BRD10: variants seen among roughly 807,000 people sequenced by gnomAD.
BRD10 encodes the protein uncharacterized bromodomain-containing protein 10.
the BRD10 span, chr9:5,920,766 C>T: frequency 4.3e-6 from 7 of 1,613,764 alleles, no homozygotes; most frequent in Non-Finnish European, 5.9e-6. Context: ...GCAACCGTAA[C>T]AGGAATTTGC....
At chr9:5,974,712 G>A in the BRD10 span, among the ~76,000 whole-genome samples, 4 of 152,310 alleles carry the variant, frequency 2.6e-5, no homozygotes, top group South Asian at 8.3e-4. Flanking sequence ...CAGATGTGCA[G>A]AGGATCTCCC....
the BRD10 span, among the ~76,000 whole-genome samples, chr9:5,986,901 C>T: frequency 2.6e-5 from 4 of 152,230 alleles, no homozygotes; most frequent in East Asian, 7.7e-4. Context: ...GAATTCACTG[C>T]TTTTTCCCCT....
chr9:5,885,237 G>A, the BRD10 span, among the ~76,000 whole-genome samples: 1 of 152,206 alleles, frequency 6.6e-6, no homozygotes, highest in Non-Finnish European at 1.5e-5. Flanking sequence ...AATTAGCCAT[G>A]GCCATGAGTT....
At chr9:5,952,000 CTTATTTATTTATTTAT>C in the BRD10 span, among the ~76,000 whole-genome samples, 48 of 127,914 alleles carry the variant, frequency 3.8e-4, no homozygotes, top group African/African-American at 1.2e-3. Context: ...CAGGAAGAGA[CTTATTTATTTATTTAT>C]TTATTTATTT....
At chr9:5,884,861 G>A in the BRD10 span, among the ~76,000 whole-genome samples, 2 of 152,286 alleles carry the variant, frequency 1.3e-5, no homozygotes, top group South Asian at 2.1e-4. Context: ...GCTCACCTGC[G>A]AGACTTGGGC....
the BRD10 span, chr9:6,007,647 G>C: frequency 1.2e-6 from 2 of 1,604,428 alleles, no homozygotes; most frequent in African/African-American, 2.7e-5. Flanking sequence ...CCAGCGAGGA[G>C]GCACTCCTTC....
chr9:5,915,378 C>T, the BRD10 span, among the ~76,000 whole-genome samples: 1 of 152,198 alleles, frequency 6.6e-6, no homozygotes, highest in Non-Finnish European at 1.5e-5. Flanking sequence ...TAAATTATCT[C>T]ATCTAACTTC....
At chr9:5,996,716 C>A in the BRD10 span, among the ~76,000 whole-genome samples, 1 of 152,150 alleles carries the variant, frequency 6.6e-6, no homozygotes, top group South Asian at 2.1e-4. Flanking sequence ...AAGGCAAATG[C>A]AAAGTTTTTA....
At chr9:6,006,655 G>A in the BRD10 span, among the ~76,000 whole-genome samples, 7 of 152,180 alleles carry the variant, frequency 4.6e-5, no homozygotes, top group African/African-American at 1.2e-4. Context: ...ATGAAACGGA[G>A]AGAAAAGATC....
At chr9:5,952,044 C>T in the BRD10 span, among the ~76,000 whole-genome samples, 7 of 110,888 alleles carry the variant, frequency 6.3e-5, no homozygotes, top group African/African-American at 2.3e-4. Context: ...TATTTAGAGA[C>T]AGAGTTTCCC....
At chr9:5,958,994 T>C in the BRD10 span, among the ~76,000 whole-genome samples, 1 of 152,206 alleles carries the variant, frequency 6.6e-6, no homozygotes, top group Non-Finnish European at 1.5e-5. Context: ...ATTTTCCTTT[T>C]ATTCTTCTTA....
chr9:5,913,824 A>G, the BRD10 span: 1 of 220,926 alleles, frequency 4.5e-6, no homozygotes, highest in Non-Finnish European at 9.2e-6. Flanking sequence ...AAAATCAAAT[A>G]AATCACTTAC....
At chr9:5,951,328 T>TAA in the BRD10 span, among the ~76,000 whole-genome samples, 8,743 of 149,474 alleles carry the variant, frequency 0.058, 271 homozygotes, top group Middle Eastern at 0.079. Flanking sequence ...CATTAGGACT[T>TAA]AAAAAAAAAA....
At chr9:5,954,058 C>A in the BRD10 span, 1 of 1,566,682 alleles carries the variant, frequency 6.4e-7, no homozygotes, top group Admixed American at 1.9e-5. Context: ...CAGTTTTCCT[C>A]TTCTTTGTGA....
chr9:5,961,279 A>C, the BRD10 span, among the ~76,000 whole-genome samples: 19 of 152,328 alleles, frequency 1.2e-4, no homozygotes, highest in African/African-American at 4.3e-4. Context: ...ACAGCAAGGA[A>C]AATTTTAACA....
the BRD10 span, among the ~76,000 whole-genome samples, chr9:5,887,627 C>CT: frequency 1.3e-5 from 2 of 152,206 alleles, no homozygotes; most frequent in Non-Finnish European, 2.9e-5. Context: ...ACCACCAGGA[C>CT]TTTCTGGGAT....
the BRD10 span, chr9:5,968,250 T>C: frequency 1.9e-6 from 3 of 1,612,714 alleles, no homozygotes; most frequent in Non-Finnish European, 2.5e-6. Context: ...AGAATATCCC[T>C]TACAACTTTG....
chr9:5,889,783 T>C, the BRD10 span, among the ~76,000 whole-genome samples: 1 of 140,876 alleles, frequency 7.1e-6, no homozygotes, highest in Non-Finnish European at 1.6e-5. Context: ...AGTCTCCATC[T>C]CAGAAAAAAA....
the BRD10 span, chr9:5,920,647 C>A: frequency 6.2e-7 from 1 of 1,613,942 alleles, no homozygotes; most frequent in East Asian, 2.2e-5. Flanking sequence ...GGAGTGAAGT[C>A]CGAGATTGTC....
Sources: allele counts gnomAD v4.1 joint callset (sites outside exome capture counted in the v4.1 genomes callset), GRCh38; gene constraint gnomAD v4.1.1; transcripts MANE v1.5; gene names NCBI Gene and HGNC (gene_info 2026-07-23, HGNC 2026-07-21).